Variants in SH2D6 observed in about 807,000 individuals in gnomAD.
SH2D6 encodes the protein SH2 domain containing 6.
In SH2D6, 31 loss-of-function variants were observed where a neutral mutation model predicts 30.2. The observed-to-expected ratio is 1.03, with a 90% CI of 0.77 to 1.38. The LOEUF (loss-of-function observed/expected upper bound fraction) is 1.38. Ranked by LOEUF, SH2D6 falls within the 40% of genes most tolerant of loss-of-function variation. The probability of loss-of-function intolerance (pLI) is 0.00; values close to 1 mark genes in which losing one functional copy is unlikely to be tolerated. For synonymous variants in SH2D6, 93 were observed against 104.6 expected (o/e 0.89, Z 0.68); for missense variants, 240 against 266.8 (o/e 0.90, Z 0.70).
At chr2:85,433,181 G>A (rs1477296349) in intron 15 of SH2D6, 60 bp downstream of exon 15, 2 of 965,452 alleles carry the variant, frequency 2.1e-6, no homozygotes, top group Admixed American at 1.2e-4. Flanking sequence ...AACTGGCAGG[G>A]GTGGGGTGGG....
chr2:85,422,415 T>G lies in SH2D6; in HGVS notation c.-464-15T>G, dbSNP rs1390016146. On this transcript the variant is annotated splice_polypyrimidine_tract_variant and intron_variant, in intron 3 of 23. Transcript: ENST00000469800. ...TTGAGTAAATATCTAGAAATTCCAC[T>G]AAAATTTCCTTAAGTCAACAGGACA... 6.6e-6 allele frequency: 1 copy of G among 152,170 alleles called. No individual in the cohort carries two copies. The highest frequency in any genetic ancestry group is 1.5e-5 in the Non-Finnish European group (1 of 68,044). 9.4% of individuals were successfully genotyped at this position (152,170 alleles called of 1,614,324 possible). A position where few individuals can be genotyped will look rare whatever the true frequency, so the allele number is the denominator to read the frequency against.
At chr2:85,433,479 C>A in intron 15 of SH2D6, 92 bp from the exon 16 acceptor site, 1 of 632,290 alleles carries the variant, frequency 1.6e-6, no homozygotes, top group Non-Finnish European at 2.0e-6. Context: ...GCCACCCCTT[C>A]AAATCGATGG....
At chr2:85,428,234 A>G (rs1573217282) in intron 6 of SH2D6, among the ~76,000 whole-genome samples, 3 of 151,910 alleles carry the variant, frequency 2.0e-5, no homozygotes, top group Admixed American at 2.0e-4. Context: ...TGCTAATTCC[A>G]TCGTAGGAAA....
chr2:85,427,404 C>G (rs940081341), intron 6 of SH2D6, among the ~76,000 whole-genome samples: 6 of 152,238 alleles, frequency 3.9e-5, no homozygotes, highest in Non-Finnish European at 7.3e-5. Context: ...CTGAGGCAGC[C>G]CTCTTTCCTT....
At chr2:85,435,196 C>T in intron 20 of SH2D6, 73 bp downstream of exon 20, 1 of 1,483,022 alleles carries the variant, frequency 6.7e-7, no homozygotes, top group Non-Finnish European at 9.3e-7. Context: ...ACCCAGGAAC[C>T]CTCTTGGGCT....
Position 85,434,090 on chromosome 2 carries a change from C to T in SH2D6, c.512C>T (p.Pro171Leu). 6.4e-7 allele frequency: 1 copy of T among 1,550,584 alleles called. No individual in the cohort carries two copies. The highest frequency in any genetic ancestry group is 8.7e-7 in the Non-Finnish European group (1 of 1,146,988). Reference sequence around the variant, plus strand: ...GTCCTGATGCCCTCAGGCCCTCTGCCCAGGACATCAGTGGTGCCCAGGTAA... The same window carrying T: ...GTCCTGATGCCCTCAGGCCCTCTGCTCAGGACATCAGTGGTGCCCAGGTAA... Reference protein sequence around the residue: ...FQVLMPSGPLPRTSVVPRPTT... With the variant: ...FQVLMPSGPLLRTSVVPRPTT... The change falls in exon 17 of 24, where the codon CCC becomes CTC. Residue 171 changes from proline to leucine, a missense_variant. Pro to Leu is a moderately conservative substitution (Grantham distance 98, BLOSUM62 -3). Transcript: ENST00000469800.
intron 14 of SH2D6, among the ~76,000 whole-genome samples, chr2:85,432,385 A>T (rs56275447): frequency 0.34 from 50,367 of 148,346 alleles, 9,390 homozygotes; most frequent in Non-Finnish European, 0.44. Context: ...TTATTTATTT[A>T]TTTTTTTTGT....
At chr2:85,428,490 A>G (rs1395485070) in intron 6 of SH2D6, 94 bp from the exon 7 acceptor site, 4 of 152,238 alleles carry the variant, frequency 2.6e-5, no homozygotes, top group African/African-American at 7.2e-5. Flanking sequence ...GAGGTCATTA[A>G]GAATAAATGA....
At chr2:85,433,971 TG>T (rs747847693) in intron 16 of SH2D6, 61 bp from the exon 17 acceptor site, 12 of 1,403,424 alleles carry the variant, frequency 8.6e-6, no homozygotes, top group African/African-American at 1.4e-5. Context: ...AGCCCTGCCC[TG>T]GTCAGCATGG....
chr2:85,427,682 G>T (rs1037084833), intron 6 of SH2D6, among the ~76,000 whole-genome samples: 6 of 152,230 alleles, frequency 3.9e-5, no homozygotes, highest in Non-Finnish European at 7.3e-5. Context: ...CCTGCCTTAT[G>T]GTTCAAATGT....
At chr2:85,434,940 G>C in intron 19 of SH2D6, 125 bp from the exon 20 acceptor site, 1 of 1,600,728 alleles carries the variant, frequency 6.2e-7, no homozygotes, top group Non-Finnish European at 8.5e-7. Context: ...GGGTGCCGGG[G>C]TTTGGGCTCG....
At position 85,433,082 on chromosome 2, in the gene SH2D6, T is replaced by A. The variant is rs1688947921; in HGVS notation, c.371-17T>A. The stretch of plus-strand genomic sequence containing the variant: ...CCCTGCCGTGCATGACAGGTGGTTC[T>A]CTCCTTTTCCTTTCAGAGCAGGGTG... On this transcript the variant is annotated splice_polypyrimidine_tract_variant and intron_variant, in intron 14 of 23. Coordinates refer to ENST00000469800, the MANE Select transcript of SH2D6 (RefSeq NM_001394463.1). The A allele has an allele frequency of 1.0e-6, 1 of 985,812 alleles. No homozygotes were observed. The highest frequency in any genetic ancestry group is 4.7e-5 in the South Asian group (1 of 21,290). 61.1% of individuals were successfully genotyped at this position (985,812 alleles called of 1,614,324 possible). A position where few individuals can be genotyped will look rare whatever the true frequency, so the allele number is the denominator to read the frequency against.
chr2:85,419,106 C>G lies in SH2D6; in HGVS notation c.-715C>G, dbSNP rs530534236. ...AGGTCTGTTAGGGTCCCTGTGTGGC[C>G]GGCAGGACTCGTGGTGAAGCCCGGG... On this transcript the variant is annotated 5_prime_UTR_variant, in exon 2 of 24. Transcript: ENST00000469800. The G allele has an allele frequency of 6.6e-6, 1 of 152,436 alleles. No individual in the cohort carries two copies. Among genetic ancestry groups the G allele is most frequent in the Non-Finnish European group, 1.5e-5 (1 of 68,230 alleles). The allele number at this position is 152,436 out of a possible 1,614,324, so 9.4% of individuals were successfully genotyped here.
At chr2:85,431,154 A>AGGGGAACCCACC (rs1688587411) in intron 12 of SH2D6, 56 bp from the exon 13 acceptor site, 1 of 124,222 alleles carries the variant, frequency 8.1e-6, no homozygotes, top group African/African-American at 3.4e-5. Context: ...CGGGAGGAAA[A>AGGGGAACCCACC]TGGGAACCCA....
Position 85,419,451 on chromosome 2 carries a change from C to G in SH2D6, c.-577+207C>G, listed in dbSNP as rs115559872. On this transcript the variant is annotated intron_variant, in intron 2 of 23. Transcript: ENST00000469800. ...CCAGGAACTCAGGGTCCGGCCTGCT[C>G]GGTAGGATGAGCTGTGCTGAGGCCC... Among the ~76,000 whole-genome samples, 1,300 of 152,300 alleles carry G rather than the reference C, an allele frequency of 8.5e-3. 24 individuals are homozygous for G. Among genetic ancestry groups the G allele is most frequent in the African/African-American group, 0.03 (1,239 of 41,564 alleles).
intron 14 of SH2D6, 61 bp from the exon 15 acceptor site, chr2:85,433,038 C>T (rs995625471): frequency 4.1e-6 from 4 of 985,658 alleles, no homozygotes; most frequent in South Asian, 4.7e-5. Flanking sequence ...GCCTCAGTCC[C>T]GCTGAATTCC....
Position 85,431,227 on chromosome 2 carries a change from G to A in SH2D6, c.268G>A (p.Gly90Ser), listed in dbSNP as rs2104915924. The A allele has an allele frequency of 6.5e-6, 1 of 152,730 alleles. No homozygotes were observed. The highest frequency in any genetic ancestry group is 1.9e-4 in the East Asian group (1 of 5,178). The allele number at this position is 152,730 out of a possible 1,614,324, so 9.5% of individuals were successfully genotyped here. A position where few individuals can be genotyped will look rare whatever the true frequency, so the allele number is the denominator to read the frequency against. The change falls in exon 13 of 24, where the codon GGT (glycine) becomes AGT (serine). Residue 90 changes from glycine to serine, a missense_variant. Coordinates refer to ENST00000469800, the MANE Select transcript of SH2D6 (RefSeq NM_001394463.1). ...TTTTCCAGATCACTCTGGCCCCCTG[G>A]GTCCATCAAAGCCATCGCCACCCCT... is the stretch of plus-strand genomic sequence containing the variant. ...SLYLDHSGPL[G>S]PSKPSPPLPQ...
At chr2:85,423,358 T>C (rs1281731199) in intron 5 of SH2D6, among the ~76,000 whole-genome samples, 1 of 152,038 alleles carries the variant, frequency 6.6e-6, no homozygotes, top group Non-Finnish European at 1.5e-5. Context: ...CAGCCTCCCG[T>C]GTAAGTGGGA....
Position 85,436,896 on chromosome 2 carries a change from C to G in SH2D6, c.*72C>G. On this transcript the variant is annotated 3_prime_UTR_variant, in exon 24 of 24. Coordinates refer to ENST00000469800, the MANE Select transcript of SH2D6 (RefSeq NM_001394463.1). Reference sequence around the variant, plus strand: ...GATGAAGGAACCGTGGTGGCCTAGACCAGTCAGGGGACAGCACAGGCACTG... The same window carrying G: ...GATGAAGGAACCGTGGTGGCCTAGAGCAGTCAGGGGACAGCACAGGCACTG... The G allele has an allele frequency of 3.0e-6, 1 of 338,382 alleles. No homozygotes were observed. The highest frequency in any genetic ancestry group is 2.1e-5 in the African/African-American group (1 of 47,346). The allele number at this position is 338,382 out of a possible 1,614,324, so 21.0% of individuals were successfully genotyped here.
Sources: gnomAD v4.1 joint callset for allele counts (sites outside exome capture counted in the v4.1 genomes callset) on GRCh38, gnomAD v4.1.1 for gene constraint, MANE v1.5 for transcripts, NCBI Gene and HGNC (gene_info 2026-07-23, HGNC 2026-07-21) for gene names.